Variants in RHOF observed in about 807,000 individuals in gnomAD.
RHOF encodes ras homolog family member F, filopodia associated.
A neutral mutation model predicts 22.2 loss-of-function variants in RHOF; 21 were observed. The observed-to-expected ratio is 0.95, with a 90% CI of 0.67 to 1.36. RHOF has a LOEUF of 1.36. RHOF is among the 40% of genes most tolerant of loss of function. The pLI, the probability that RHOF is intolerant of heterozygous loss-of-function variation, is 0.00. For missense variants in RHOF, 285 were observed against 293.7 expected (o/e 0.97, Z 0.22); for synonymous variants, 135 against 131.2 (o/e 1.03, Z -0.20).
In RHOF at chr12:121,779,473, T is replaced by C; in HGVS notation, c.*25A>G. On this transcript the variant is annotated 3_prime_UTR_variant, in exon 5 of 5. Coordinates refer to ENST00000267205, the MANE Select transcript of RHOF (RefSeq NM_019034.3). ...CTGGGCCCCCGGGCCCTGTCAGTGC[T>C]GTCGTGAGGTCTGTCTGCCCTGGGT... 6.2e-7 allele frequency: 1 copy of C among 1,606,572 alleles called. No homozygotes were observed. Among genetic ancestry groups the C allele is most frequent in the Non-Finnish European group, 8.5e-7 (1 of 1,178,234 alleles).
rs1338237582 is a variant in RHOF, at chr12:121,779,352, A to G, written c.*146T>C. Reference sequence around the variant, plus strand: ...TGGTCAGAGCCCCAGCCAGGAAAGGAGAGAGTTCCAGAATGTTCCAAGAGT... The same window carrying G: ...TGGTCAGAGCCCCAGCCAGGAAAGGGGAGAGTTCCAGAATGTTCCAAGAGT... On this transcript the variant is annotated 3_prime_UTR_variant, in exon 5 of 5. Transcript: ENST00000267205. 105 of 845,162 alleles carry G rather than the reference A, an allele frequency of 1.2e-4. 1 individual carries two copies. The South Asian group carries it at 1.8e-3, about 14-fold the overall frequency. 52.4% of individuals were successfully genotyped at this position (845,162 alleles called of 1,614,324 possible). A position where few individuals can be genotyped will look rare whatever the true frequency, so the allele number is the denominator to read the frequency against.
chr12:121,792,723 G>T (rs551283935), intron 2 of RHOF, among the ~76,000 whole-genome samples: 12 of 152,312 alleles, frequency 7.9e-5, no homozygotes, highest in African/African-American at 2.9e-4. Flanking sequence ...TCTGCAGCCG[G>T]GAGCATCCCA....
chr12:121,779,061 G>A lies in RHOF; in HGVS notation c.*437C>T, dbSNP rs1036053752. 3 of 168,994 alleles carry A rather than the reference G, an allele frequency of 1.8e-5. No homozygotes were observed. Among genetic ancestry groups the A allele is most frequent in the Admixed American group, 5.6e-5 (1 of 17,706 alleles). 10.5% of individuals were successfully genotyped at this position (168,994 alleles called of 1,614,324 possible). A position where few individuals can be genotyped will look rare whatever the true frequency, so the allele number is the denominator to read the frequency against. On this transcript the variant is annotated 3_prime_UTR_variant, in exon 5 of 5. Coordinates refer to ENST00000267205, the MANE Select transcript of RHOF (RefSeq NM_019034.3). Reference sequence around the variant, plus strand: ...TGGGGGAAGGAAGGAAGGAGCTGGAGGATACAGTGGTGCCTATCTCGGGAG... The same window carrying A: ...TGGGGGAAGGAAGGAAGGAGCTGGAAGATACAGTGGTGCCTATCTCGGGAG...
rs571772405 is a variant in RHOF, at chr12:121,779,934, G to A, written c.472-272C>T. On this transcript the variant is annotated intron_variant, in intron 4 of 4. Coordinates refer to ENST00000267205, the MANE Select transcript of RHOF (RefSeq NM_019034.3). ...AGGGAGGGGCTGAATCCTGAGACCC[G>A]GGGTTGGTTCCCCCAGGTGTCTCCC... 35 of 375,572 alleles carry A rather than the reference G, an allele frequency of 9.3e-5. No homozygotes were observed. The East Asian group carries it at 1.2e-3, about 13-fold the overall frequency. The allele number at this position is 375,572 out of a possible 1,614,324, so 23.3% of individuals were successfully genotyped here.
At chr12:121,781,238 C>T (rs1874446415) in intron 2 of RHOF, 46 bp from the exon 3 acceptor site, 4 of 1,562,366 alleles carry the variant, frequency 2.6e-6, no homozygotes, top group Non-Finnish European at 3.5e-6. Flanking sequence ...CCCTCCCTGT[C>T]TGGACTCTGA....
At chr12:121,779,736 A>C (rs1299057485) in intron 4 of RHOF, 74 bp from the exon 5 acceptor site, 12 of 1,534,272 alleles carry the variant, frequency 7.8e-6, no homozygotes, top group Non-Finnish European at 1.1e-5. Flanking sequence ...TGGGTTTGGG[A>C]CTGGCTCTGA....
chr12:121,779,401 T>C lies in RHOF; in HGVS notation c.*97A>G. 1 of 1,325,380 alleles carries C rather than the reference T, an allele frequency of 7.5e-7. No homozygotes were observed. Among genetic ancestry groups the C allele is most frequent in the Admixed American group, 2.1e-5 (1 of 47,062 alleles). 82.1% of individuals were successfully genotyped at this position (1,325,380 alleles called of 1,614,324 possible). A position where few individuals can be genotyped will look rare whatever the true frequency, so the allele number is the denominator to read the frequency against. ...GTCTAGCCGCAGGCCCCAGACACCA[T>C]GAGCTGGAGGGTCGGGATGGGGCAG... is the stretch of plus-strand genomic sequence containing the variant. On this transcript the variant is annotated 3_prime_UTR_variant, in exon 5 of 5. Transcript: ENST00000267205.
At chr12:121,786,667 T>C (rs560766366) in intron 2 of RHOF, among the ~76,000 whole-genome samples, 7 of 152,188 alleles carry the variant, frequency 4.6e-5, no homozygotes, top group Non-Finnish European at 1.0e-4. Context: ...TCCTGACTGC[T>C]CTGAAACAGC....
At chr12:121,780,304 C>T (rs538865672) in intron 4 of RHOF, 91 of 158,520 alleles carry the variant, frequency 5.7e-4, no homozygotes, top group Middle Eastern at 1.0e-3. Context: ...GTGATTCGCC[C>T]GCCTCGGCCT....
intron 2 of RHOF, among the ~76,000 whole-genome samples, chr12:121,791,316 G>C (rs1166661540): frequency 1.3e-5 from 2 of 152,150 alleles, no homozygotes; most frequent in East Asian, 3.8e-4. Flanking sequence ...AGTAGAGATG[G>C]GGTTTCACCA....
chr12:121,779,626 A>G lies in RHOF; in HGVS notation c.508T>C (p.Tyr170His), dbSNP rs1874372535. Residue 170 changes from tyrosine (Y) to histidine (H), a missense_variant, in exon 5 of 5, where the codon TAC (tyrosine) becomes CAC (histidine). Physicochemically the swap from Tyr to His is moderately conservative, Grantham distance 83. Coordinates refer to ENST00000267205, the MANE Select transcript of RHOF (RefSeq NM_019034.3). ...SACEQIRAAL[Y>H]LECSAKFREN... ...CGAAACTTGGCGGAACATTCCAGGT[A>G]GAGAGCAGCTCGGATCTGTTCGCAG... is the stretch of plus-strand genomic sequence containing the variant. 1 of 1,614,142 alleles carries G rather than the reference A, an allele frequency of 6.2e-7. No homozygotes were observed. The highest frequency in any genetic ancestry group is 8.5e-7 in the Non-Finnish European group (1 of 1,179,988).
Position 121,779,478 on chromosome 12 carries a change from T to C in RHOF, c.*20A>G, listed in dbSNP as rs1874361641. ...CCCCCGGGCCCTGTCAGTGCTGTCGTGAGGTCTGTCTGCCCTGGGTCAGAG... is the reference window on the plus strand; with the variant it reads ...CCCCCGGGCCCTGTCAGTGCTGTCGCGAGGTCTGTCTGCCCTGGGTCAGAG... On this transcript the variant is annotated 3_prime_UTR_variant, in exon 5 of 5. Coordinates refer to ENST00000267205, the MANE Select transcript of RHOF (RefSeq NM_019034.3). The C allele has an allele frequency of 6.2e-7, 1 of 1,608,750 alleles. No homozygotes were observed. The highest frequency in any genetic ancestry group is 1.3e-5 in the African/African-American group (1 of 74,918).
intron 4 of RHOF, 56 bp downstream of exon 4, chr12:121,780,816 A>G (rs1415684735): frequency 6.4e-7 from 1 of 1,558,590 alleles, no homozygotes; most frequent in South Asian, 1.2e-5. Context: ...CAGAGGCCAA[A>G]GGTCCGGGAG....
chr12:121,790,999 G>A (rs901573950), intron 2 of RHOF, among the ~76,000 whole-genome samples: 3 of 151,884 alleles, frequency 2.0e-5, no homozygotes, highest in African/African-American at 4.8e-5. Context: ...TCAGCCTTCC[G>A]AGTAGCTGGG....
chr12:121,792,680 C>G (rs1874793901), intron 2 of RHOF, among the ~76,000 whole-genome samples: 1 of 152,240 alleles, frequency 6.6e-6, no homozygotes, highest in South Asian at 2.1e-4. Flanking sequence ...GGCTGCAGAG[C>G]GCAGGCCACA....
intron 2 of RHOF, among the ~76,000 whole-genome samples, chr12:121,790,904 C>T (rs5019662): frequency 0.028 from 4,201 of 152,230 alleles, 201 homozygotes; most frequent in East Asian, 0.21. Flanking sequence ...AACAGGGTCT[C>T]GCTCTGTTGC....
rs1227660061 is a variant in RHOF, at chr12:121,778,929, A to T, written c.*569T>A. 6.5e-6 allele frequency: 1 copy of T among 154,502 alleles called. No homozygotes were observed. The highest frequency in any genetic ancestry group is 2.4e-5 in the African/African-American group (1 of 41,424). 9.6% of individuals were successfully genotyped at this position (154,502 alleles called of 1,614,324 possible). A position where few individuals can be genotyped will look rare whatever the true frequency, so the allele number is the denominator to read the frequency against. ...CCCAGCTCTGCAAAGACAGTGGCCA[A>T]GTTGAAGACAAGTCTTCCATGTGGG... On this transcript the variant is annotated 3_prime_UTR_variant, in exon 5 of 5. Coordinates refer to ENST00000267205, the MANE Select transcript of RHOF (RefSeq NM_019034.3).
intron 2 of RHOF, among the ~76,000 whole-genome samples, chr12:121,789,222 CCT>C (rs1256034888): frequency 4.8e-5 from 7 of 146,322 alleles, no homozygotes; most frequent in Admixed American, 4.3e-4. Flanking sequence ...AGAGCGAGAC[CCT>C]GTCTCTAACC....
chr12:121,786,630 G>A (rs533037367), intron 2 of RHOF, among the ~76,000 whole-genome samples: 2 of 152,312 alleles, frequency 1.3e-5, no homozygotes, highest in Admixed American at 6.5e-5. Flanking sequence ...AGGGCTCTAT[G>A]GAATGTCGCC....
Sources: allele counts gnomAD v4.1 joint callset (sites outside exome capture counted in the v4.1 genomes callset), GRCh38; gene constraint gnomAD v4.1.1; transcripts MANE v1.5; gene names NCBI Gene and HGNC (gene_info 2026-07-23, HGNC 2026-07-21).